Variants in CFAP300 observed in about 807,000 individuals in gnomAD.
The protein encoded by CFAP300 is cilia- and flagella-associated protein 300.
CFAP300 carries 32 observed loss-of-function variants against 33.0 expected under a neutral mutation model. The ratio of observed to expected loss-of-function variants is 0.97; its 90% CI spans 0.73 to 1.30. The LOEUF is 1.30. Among genes scored for constraint, CFAP300 ranks in the 50% most tolerant of loss-of-function variants. The pLI is 0.00. For missense variants in CFAP300, 356 were observed against 318.1 expected (o/e 1.12, Z -0.90); for synonymous variants, 102 against 106.8 (o/e 0.95, Z 0.28).
intron 2 of CFAP300, among the ~76,000 whole-genome samples, chr11:102,055,402 G>C (rs1262973874): frequency 2.2e-5 from 3 of 134,794 alleles, no homozygotes; most frequent in Non-Finnish European, 4.5e-5. Context: ...TGTCACCCAG[G>C]CTGGAGTGCA....
At chr11:102,067,987 G>A (rs1942253512) in intron 4 of CFAP300, among the ~76,000 whole-genome samples, 2 of 152,186 alleles carry the variant, frequency 1.3e-5, no homozygotes, top group African/African-American at 4.8e-5. Flanking sequence ...TAAAAATGAG[G>A]GCTTTCATGT....
At chr11:102,079,703 G>A (rs111692328) in intron 5 of CFAP300, among the ~76,000 whole-genome samples, 179 of 152,202 alleles carry the variant, frequency 1.2e-3, no homozygotes, top group African/African-American at 4.1e-3. Context: ...AGAGAAGAGG[G>A]TATCTTTCTT....
intron 3 of CFAP300, among the ~76,000 whole-genome samples, chr11:102,062,058 G>C (rs574258742): frequency 1.8e-4 from 27 of 152,134 alleles, no homozygotes; most frequent in Non-Finnish European, 3.4e-4. Context: ...ATTAGGTTTA[G>C]ATGAGGGCAC....
At chr11:102,059,828 T>TTG (rs1460435077) in intron 3 of CFAP300, among the ~76,000 whole-genome samples, 1 of 151,430 alleles carries the variant, frequency 6.6e-6, no homozygotes, top group South Asian at 2.1e-4. Context: ...TTTTTTTTTT[T>TTG]GAGACAGTGT....
intron 3 of CFAP300, among the ~76,000 whole-genome samples, chr11:102,062,624 C>T (rs939077495): frequency 1.2e-4 from 19 of 152,092 alleles, no homozygotes; most frequent in Non-Finnish European, 2.4e-4. Flanking sequence ...TAATGTCTTG[C>T]TTATAGTAAA....
In CFAP300 at chr11:102,083,098, G is replaced by C; in HGVS notation, c.703G>C (p.Ala235Pro). ...YDSAGMCYPS[A>P]KNHEQTFSYF... ...TTCTGCTGGTATGTGCTATCCTTCA[G>C]CAAAGAATCATGAACAGACATTTTC... The change falls in exon 7 of 7, where the codon GCA becomes CCA. Residue 235 changes from alanine to proline, a missense_variant. Ala to Pro is a conservative substitution (Grantham distance 27). Transcript: ENST00000434758. The C allele has an allele frequency of 6.6e-7, 1 of 1,526,688 alleles. No homozygotes were observed. The allele number at this position is 1,526,688 out of a possible 1,614,324, so 94.6% of individuals were successfully genotyped here. A position where few individuals can be genotyped will look rare whatever the true frequency, so the allele number is the denominator to read the frequency against.
At chr11:102,048,723 G>GTGAC (rs1941925284) in intron 2 of CFAP300, among the ~76,000 whole-genome samples, 1 of 152,088 alleles carries the variant, frequency 6.6e-6, no homozygotes, top group Admixed American at 6.5e-5. Flanking sequence ...ACTACTAGAG[G>GTGAC]TGACTACTTT....
chr11:102,076,089 A>C (rs775160676), intron 5 of CFAP300, 44 bp downstream of exon 5: 2 of 1,549,926 alleles, frequency 1.3e-6, no homozygotes, highest in African/African-American at 2.8e-5. Flanking sequence ...AGTTAATAGA[A>C]TAAATTATTT....
chr11:102,084,184 C>G lies in CFAP300; in HGVS notation c.*985C>G, dbSNP rs1339994800. The G allele has an allele frequency of 6.6e-6, 1 of 152,140 alleles. No individual in the cohort carries two copies. The highest frequency in any genetic ancestry group is 1.5e-5 in the Non-Finnish European group (1 of 68,026). The allele number at this position is 152,140 out of a possible 1,614,324, so 9.4% of individuals were successfully genotyped here. On this transcript the variant is annotated 3_prime_UTR_variant, in exon 7 of 7. Coordinates refer to ENST00000434758, the MANE Select transcript of CFAP300 (RefSeq NM_032930.3). ...GAAGCAGGTTATCTTAGTACTGTTC[C>G]TTATTTCATTCATAGAATGAATGTA...
chr11:102,047,691 T>TGAGGCTTCCTGAGTGAACCCC, intron 1 of CFAP300, 111 bp downstream of exon 1: 1 of 1,443,004 alleles, frequency 6.9e-7, no homozygotes, highest in South Asian at 1.3e-5. Flanking sequence ...GAGTGAACCC[T>TGAGGCTTCCTGAGTGAACCCC]GAGGCTTCCT....
Position 102,066,551 on chromosome 11 carries a change from A to G in CFAP300, c.335A>G (p.His112Arg), listed in dbSNP as rs1942228504. ...PCTQLSMSFF[H>R]RLYDEDIVRD... is the part of the protein sequence containing the mutation. ...ACACAGCTTTCAATGTCATTTTTTC[A>G]TCGGTTATATGATGAAGATATTGTA... is the stretch of plus-strand genomic sequence containing the variant. Residue 112 changes from histidine (H) to arginine (R), a missense_variant, in exon 4 of 7, where the codon CAT (histidine) becomes CGT (arginine). Transcript: ENST00000434758. 6.2e-7 allele frequency: 1 copy of G among 1,611,582 alleles called. No homozygotes were observed. The highest frequency in any genetic ancestry group is 1.1e-5 in the South Asian group (1 of 90,378).
At chr11:102,068,932 G>A (rs1942269184) in intron 4 of CFAP300, among the ~76,000 whole-genome samples, 1 of 152,164 alleles carries the variant, frequency 6.6e-6, no homozygotes, top group African/African-American at 2.4e-5. Flanking sequence ...ACTACTGTCA[G>A]CTCTTCTCTC....
intron 3 of CFAP300, among the ~76,000 whole-genome samples, chr11:102,063,051 C>A (rs543606043): frequency 1.3e-5 from 2 of 152,356 alleles, no homozygotes; most frequent in African/African-American, 2.4e-5. Context: ...CCACTGCCTC[C>A]ATTTCAACAG....
intron 2 of CFAP300, among the ~76,000 whole-genome samples, chr11:102,053,551 AAAACAAACAAACAAAC>A (rs140040339): frequency 1.5e-3 from 226 of 150,014 alleles, no homozygotes; most frequent in Non-Finnish European, 2.6e-3. Flanking sequence ...AACTCCATCA[AAAACAAACAAACAAAC>A]AAACAAACAA....
rs1942514326 is a variant in CFAP300, at chr11:102,084,119, A to T, written c.*920A>T. The T allele has an allele frequency of 6.6e-6, 1 of 152,266 alleles. No individual in the cohort carries two copies. The allele number at this position is 152,266 out of a possible 1,614,324, so 9.4% of individuals were successfully genotyped here. On this transcript the variant is annotated 3_prime_UTR_variant, in exon 7 of 7. Coordinates refer to ENST00000434758, the MANE Select transcript of CFAP300 (RefSeq NM_032930.3). The stretch of plus-strand genomic sequence containing the variant: ...ATACAAGAGCTACATGTAAACAGAG[A>T]AAGTTGCCTGATGGCATTAGTAAGT...
rs758501351 is a variant in CFAP300 at position 102,076,030 on chromosome 11, A to G, written c.593A>G (p.Tyr198Cys). The G allele has an allele frequency of 6.2e-7, 1 of 1,611,446 alleles. No homozygotes were observed. Among genetic ancestry groups the G allele is most frequent in the East Asian group, 2.2e-5 (1 of 44,796 alleles). Residue 198 changes from tyrosine to cysteine, a missense_variant, in exon 5 of 7, where the codon TAT becomes TGT. Tyr to Cys is a radical substitution (Grantham distance 194). Transcript: ENST00000434758. ...TATCTGGAAACAACAAAGCTTATCTATAAGGATCTGGTGAGGTAATGTTGC... is the reference window on the plus strand; with the variant it reads ...TATCTGGAAACAACAAAGCTTATCTGTAAGGATCTGGTGAGGTAATGTTGC... The part of the protein sequence containing the change: ...SPYLETTKLI[Y>C]KDLVSVRKNP...
intron 2 of CFAP300, among the ~76,000 whole-genome samples, chr11:102,050,929 G>T (rs1204765208): frequency 6.6e-6 from 1 of 152,182 alleles, no homozygotes; most frequent in Non-Finnish European, 1.5e-5. Context: ...GTGGAGGGTG[G>T]GTTGTTAGGA....
chr11:102,077,408 A>G (rs780433214), intron 5 of CFAP300, among the ~76,000 whole-genome samples: 9 of 152,228 alleles, frequency 5.9e-5, no homozygotes, highest in Non-Finnish European at 1.2e-4. Flanking sequence ...AATCCATTCT[A>G]GCACAGTCCA....
intron 5 of CFAP300, among the ~76,000 whole-genome samples, chr11:102,076,473 A>G (rs1942396554): frequency 6.6e-6 from 1 of 152,202 alleles, no homozygotes; most frequent in Non-Finnish European, 1.5e-5. Flanking sequence ...TGTAATCTTT[A>G]CCTTTTCAAA....
Sources: allele counts gnomAD v4.1 joint callset (sites outside exome capture counted in the v4.1 genomes callset), GRCh38; gene constraint gnomAD v4.1.1; transcripts MANE v1.5; gene names NCBI Gene and HGNC (gene_info 2026-07-23, HGNC 2026-07-21).